Variants in HS6ST2 observed in about 807,000 individuals in gnomAD.
HS6ST2 encodes the protein heparan sulfate 6-O-sulfotransferase 2.
In HS6ST2, 17 loss-of-function variants were observed where a neutral mutation model predicts 33.0. The observed-to-expected ratio is 0.52, with a 90% CI of 0.35 to 0.77. The LOEUF (loss-of-function observed/expected upper bound fraction) is 0.77, where lower values mean the gene tolerates loss of function less well. HS6ST2 is among the 30% of genes least tolerant of loss of function. HS6ST2 has a pLI of 0.01. For synonymous variants in HS6ST2, 248 were observed against 237.1 expected, an observed-to-expected ratio of 1.05 and a Z score of -0.42; for missense variants, 519 against 551.7, an observed-to-expected ratio of 0.94 and a Z score of 0.59.
chrX:132,945,810 T>C (rs1013049926), intron 2 of HS6ST2, among the ~76,000 whole-genome samples: 8 of 81,457 alleles, frequency 9.8e-5, no homozygotes, highest in Non-Finnish European at 1.8e-4. Context: ...CAAGAACACT[T>C]GGACACAGGA....
intron 2 of HS6ST2, among the ~76,000 whole-genome samples, chrX:132,743,965 G>C: frequency 1.8e-5 from 2 of 110,953 alleles, no homozygotes; most frequent in Middle Eastern, 4.6e-3. Flanking sequence ...GTGTGTGTGT[G>C]TGTGTGGAGA....
intron 2 of HS6ST2, among the ~76,000 whole-genome samples, chrX:132,776,655 G>A (rs746968435): frequency 1.8e-5 from 2 of 110,452 alleles, no homozygotes; most frequent in African/African-American, 6.6e-5. Context: ...GCATCCTGCC[G>A]CTCTTTTAAA....
intron 3 of HS6ST2, among the ~76,000 whole-genome samples, chrX:132,683,998 G>A (rs1020418181): frequency 2.7e-5 from 3 of 110,162 alleles, no homozygotes; most frequent in African/African-American, 9.9e-5. Context: ...ATCTTAAAGA[G>A]CAAGATTACT....
At chrX:132,837,921 G>A (rs982923208) in intron 2 of HS6ST2, among the ~76,000 whole-genome samples, 1 of 111,703 alleles carries the variant, frequency 9.0e-6, no homozygotes, top group South Asian at 3.8e-4. Flanking sequence ...AACATGAGAC[G>A]CAAATAGCCA....
chrX:132,881,614 A>C (rs1271989296), intron 2 of HS6ST2, among the ~76,000 whole-genome samples: 49 of 111,397 alleles, frequency 4.4e-4, no homozygotes, highest in Non-Finnish European at 6.8e-4. Context: ...GCTGTGCAGA[A>C]GCTCTTGAGT....
chrX:132,778,057 G>T (rs1450432409), intron 2 of HS6ST2, among the ~76,000 whole-genome samples: 1 of 112,129 alleles, frequency 8.9e-6, no homozygotes, highest in East Asian at 2.8e-4. Context: ...ATTTATTGCT[G>T]CAGGCCAGAA....
intron 2 of HS6ST2, among the ~76,000 whole-genome samples, chrX:132,845,253 T>G (rs576167223): frequency 1.8e-5 from 2 of 109,957 alleles, no homozygotes; most frequent in African/African-American, 3.3e-5. Context: ...TCAGGGGATA[T>G]TCTCTCAATG....
intron 2 of HS6ST2, among the ~76,000 whole-genome samples, chrX:132,727,346 G>A (rs2064404899): frequency 9.0e-6 from 1 of 110,846 alleles, no homozygotes. Flanking sequence ...TAGGCGCTTG[G>A]AATTCAAGGG....
At chrX:132,852,045 G>T (rs750834827) in intron 2 of HS6ST2, among the ~76,000 whole-genome samples, 15 of 111,551 alleles carry the variant, frequency 1.3e-4, no homozygotes, top group Non-Finnish European at 2.4e-4. Flanking sequence ...CAGAGGCTGA[G>T]GAGGGAGGAT....
At chrX:132,797,734 G>A (rs1332350808) in intron 2 of HS6ST2, among the ~76,000 whole-genome samples, 2 of 110,640 alleles carry the variant, frequency 1.8e-5, no homozygotes, top group African/African-American at 6.6e-5. Context: ...AGTTGAGGCC[G>A]GGTGCGGTGG....
At chrX:132,902,336 CAAACA>C in intron 2 of HS6ST2, among the ~76,000 whole-genome samples, 2 of 111,745 alleles carry the variant, frequency 1.8e-5, no homozygotes, top group African/African-American at 6.5e-5. Context: ...CTCCTGAGCT[CAAACA>C]ATCTGCCAGC....
chrX:132,950,791 T>C (rs1168029665), intron 2 of HS6ST2, among the ~76,000 whole-genome samples: 1 of 111,993 alleles, frequency 8.9e-6, no homozygotes, highest in Non-Finnish European at 1.9e-5. Context: ...TGAAACCTTT[T>C]CGTTTTGGCT....
chrX:132,699,542 C>T (rs1039582795), intron 3 of HS6ST2, among the ~76,000 whole-genome samples: 1 of 111,955 alleles, frequency 8.9e-6, no homozygotes, highest in African/African-American at 3.2e-5. Flanking sequence ...GCTCTTATCC[C>T]ATTTCATTTT....
chrX:132,924,665 C>G (rs1337045468), intron 2 of HS6ST2, among the ~76,000 whole-genome samples: 1 of 110,750 alleles, frequency 9.0e-6, no homozygotes, highest in Non-Finnish European at 1.9e-5. Flanking sequence ...ACCAGCCCCA[C>G]CACCTCTAGG....
At chrX:132,799,128 T>C (rs1223742402) in intron 2 of HS6ST2, among the ~76,000 whole-genome samples, 1 of 111,482 alleles carries the variant, frequency 9.0e-6, no homozygotes, top group Non-Finnish European at 1.9e-5. Context: ...GGTGAGTTTC[T>C]AGGCTTTAGA....
At chrX:132,839,297 T>C (rs971702492) in intron 2 of HS6ST2, among the ~76,000 whole-genome samples, 5 of 42,851 alleles carry the variant, frequency 1.2e-4, no homozygotes, top group Non-Finnish European at 1.6e-4. Context: ...TATATATATA[T>C]ATATATATAT....
chrX:132,892,304 C>A (rs912609266), intron 2 of HS6ST2, among the ~76,000 whole-genome samples: 2 of 112,167 alleles, frequency 1.8e-5, no homozygotes, highest in Non-Finnish European at 3.8e-5. Context: ...ACTCTTGCTA[C>A]TCAAAATGTG....
chrX:132,636,189 T>C (rs1381840424), intron 4 of HS6ST2, among the ~76,000 whole-genome samples: 1 of 111,969 alleles, frequency 8.9e-6, no homozygotes, highest in African/African-American at 3.2e-5. Context: ...TAAAAGATTG[T>C]TGAATGAATT....
intron 2 of HS6ST2, among the ~76,000 whole-genome samples, chrX:132,817,759 C>T (rs912508468): frequency 1.8e-5 from 2 of 111,883 alleles, no homozygotes; most frequent in African/African-American, 6.5e-5. Flanking sequence ...GACTGCTTGG[C>T]CTCAAATCCC....
Sources: allele counts gnomAD v4.1 joint callset (sites outside exome capture counted in the v4.1 genomes callset), GRCh38; gene constraint gnomAD v4.1.1; transcripts MANE v1.5; gene names NCBI Gene and HGNC (gene_info 2026-07-23, HGNC 2026-07-21).